NAPA: variants seen among roughly 807,000 people sequenced by gnomAD.
NAPA encodes the protein alpha-soluble NSF attachment protein.
A neutral mutation model predicts 48.0 loss-of-function variants in NAPA; 18 were observed. The ratio of observed to expected loss-of-function variants is 0.38; its 90% CI spans 0.26 to 0.56. NAPA has a LOEUF of 0.56. NAPA is among the 20% of genes least tolerant of loss of function. The probability of loss-of-function intolerance (pLI) is 0.77; values close to 1 mark genes in which losing one functional copy is unlikely to be tolerated. For missense variants in NAPA, 315 were observed against 385.0 expected (o/e 0.82, Z 1.52); for synonymous variants, 152 against 149.9 (o/e 1.01, Z -0.10).
At chr19:47,504,166 G>A (rs2122766588) in intron 1 of NAPA, among the ~76,000 whole-genome samples, 1 of 152,202 alleles carries the variant, frequency 6.6e-6, no homozygotes, top group Non-Finnish European at 1.5e-5. Context: ...GGCCAAGGTT[G>A]GCGGATTGCT....
At chr19:47,495,271 G>C in intron 4 of NAPA, 1 of 499,268 alleles carries the variant, frequency 2.0e-6, no homozygotes, top group South Asian at 2.8e-5. Context: ...CAGGATTACA[G>C]GCATGAGCCA....
At chr19:47,488,617 T>TAA (rs11368749) in intron 10 of NAPA, 424 of 259,114 alleles carry the variant, frequency 1.6e-3, no homozygotes, top group East Asian at 4.3e-3. Flanking sequence ...ATTGTAGCTT[T>TAA]AAAAAAAAAA....
Position 47,502,173 on chromosome 19 carries a change from G to A in NAPA, c.178+1250C>T, listed in dbSNP as rs569287080. 2.3e-3 allele frequency among the ~76,000 whole-genome samples: 339 copies of A among 149,880 alleles called. 2 individuals are homozygous for A. The highest frequency in any genetic ancestry group is 6.9e-3 in the Middle Eastern group (2 of 290). On this transcript the variant is annotated intron_variant, in intron 2 of 10. Transcript: ENST00000263354. ...GGAGAATCACTTGAACCAGGGAGGC[G>A]GAGGTTGCAGTGAGCCAAGATCGCG...
At chr19:47,505,925 ACT>A (rs1968683968) in intron 1 of NAPA, among the ~76,000 whole-genome samples, 2 of 147,392 alleles carry the variant, frequency 1.4e-5, no homozygotes, top group Admixed American at 6.8e-5. Flanking sequence ...GCCCTGCTGC[ACT>A]CTGTCTTCCC....
At position 47,493,045 on chromosome 19, in the gene NAPA, G is replaced by A. The variant is rs753527653; in HGVS notation, c.477C>T (p.Ser159=). ...ADYYKGEESN[S]SANKCLLKVA... ...CCTTCAGCAGACACTTGTTGGCTGA[G>A]CTGTGTGGGGAGGAGTAGTGAGGGG... Residue 159 remains serine (S), a splice_region_variant and synonymous_variant, in exon 7 of 11, where the codon AGC becomes AGT. Coordinates refer to ENST00000263354, the MANE Select transcript of NAPA (RefSeq NM_003827.4). The surrounding 1 kb of genome is among the most constrained non-coding windows in gnomAD (Gnocchi z 6.4). 3 of 1,614,170 alleles carry A rather than the reference G, an allele frequency of 1.9e-6. No individual in the cohort carries two copies. Among genetic ancestry groups the A allele is most frequent in the Non-Finnish European group, 2.5e-6 (3 of 1,180,010 alleles).
At chr19:47,510,851 A>G (rs1461655289) in intron 1 of NAPA, among the ~76,000 whole-genome samples, 1 of 152,210 alleles carries the variant, frequency 6.6e-6, no homozygotes, top group Non-Finnish European at 1.5e-5. Context: ...CTTCCAGAGC[A>G]GAAGTTTGAG....
rs574668607 is a variant in NAPA at position 47,498,139 on chromosome 19, G to A, written c.295+2494C>T. 2.0e-5 allele frequency among the ~76,000 whole-genome samples: 3 copies of A among 152,336 alleles called. No individual in the cohort carries two copies. In the East Asian group the frequency reaches 5.8e-4, roughly 29 times the overall value. On this transcript the variant is annotated intron_variant, in intron 3 of 10. Coordinates refer to ENST00000263354, the MANE Select transcript of NAPA (RefSeq NM_003827.4). ...TCAGGCACACTCCAGCTGCCACTTG[G>A]GGGCAGGTCCTTCTGGAGGGAGTCC... is the stretch of plus-strand genomic sequence containing the variant.
intron 7 of NAPA, 178 bp downstream of exon 7, chr19:47,492,783 G>C (rs1211820769): frequency 1.4e-6 from 1 of 712,026 alleles, no homozygotes; most frequent in Admixed American, 2.0e-5. Flanking sequence ...GTCGTAGGTG[G>C]AGAACATTCA....
downstream of NAPA, among the ~76,000 whole-genome samples, chr19:47,487,486 C>G (rs1162967837): frequency 6.6e-6 from 1 of 152,154 alleles, no homozygotes; most frequent in Non-Finnish European, 1.5e-5. Flanking sequence ...TCTCCCCCAC[C>G]TAGAAACTGA....
chr19:47,509,174 G>A lies in NAPA; in HGVS notation c.98+5669C>T, dbSNP rs1052223092. ...TGACACATAGTCAATACTTGGCACA[G>A]AGCGCAGAATGGAAAAGGTGCTCAA... On this transcript the variant is annotated intron_variant, in intron 1 of 10. Coordinates refer to ENST00000263354, the MANE Select transcript of NAPA (RefSeq NM_003827.4). Among the ~76,000 whole-genome samples the A allele has an allele frequency of 3.3e-5, 5 of 152,168 alleles. No individual in the cohort carries two copies. The East Asian group carries it at 9.6e-4, about 29-fold the overall frequency.
In NAPA at chr19:47,488,280, G is replaced by A. The variant is rs1376590384; in HGVS notation, c.*8C>T. The A allele has an allele frequency of 6.2e-7, 1 of 1,606,950 alleles. No homozygotes were observed. The highest frequency in any genetic ancestry group is 8.5e-7 in the Non-Finnish European group (1 of 1,174,682). ...CAGGAAGACGGGCACTGGGGGGCTG[G>A]GTGGGGCTTAGCGCAGGTCCTCCTC... is the stretch of plus-strand genomic sequence containing the variant. On this transcript the variant is annotated 3_prime_UTR_variant, in exon 11 of 11. Coordinates refer to ENST00000263354, the MANE Select transcript of NAPA (RefSeq NM_003827.4).
chr19:47,494,710 C>A (rs1345658233), intron 4 of NAPA, among the ~76,000 whole-genome samples: 2 of 142,926 alleles, frequency 1.4e-5, no homozygotes, highest in Admixed American at 7.3e-5. Context: ...TGAACTCCAG[C>A]CTAGATGAGA....
chr19:47,511,076 C>T (rs1020330218), intron 1 of NAPA, among the ~76,000 whole-genome samples: 4 of 152,258 alleles, frequency 2.6e-5, no homozygotes, highest in Non-Finnish European at 5.9e-5. Context: ...CTCTGACTTG[C>T]CCTTTGACAG....
At chr19:47,498,144 A>G (rs1382984063) in intron 3 of NAPA, among the ~76,000 whole-genome samples, 1 of 152,242 alleles carries the variant, frequency 6.6e-6, no homozygotes, top group Non-Finnish European at 1.5e-5. Flanking sequence ...ACTTGGGGGC[A>G]GGTCCTTCTG....
chr19:47,507,809 T>G (rs1167847433), intron 1 of NAPA, among the ~76,000 whole-genome samples: 1 of 152,190 alleles, frequency 6.6e-6, no homozygotes, highest in Non-Finnish European at 1.5e-5. Flanking sequence ...GTGCTGCCCT[T>G]GCTTTACAGG....
At chr19:47,510,345 G>A (rs1283636303) in intron 1 of NAPA, among the ~76,000 whole-genome samples, 1 of 152,196 alleles carries the variant, frequency 6.6e-6, no homozygotes, top group Non-Finnish European at 1.5e-5. Context: ...CTGATCTTAG[G>A]AATGCACTGT....
At chr19:47,511,409 C>CA (rs978697514) in intron 1 of NAPA, among the ~76,000 whole-genome samples, 2 of 152,220 alleles carry the variant, frequency 1.3e-5, no homozygotes, top group African/African-American at 4.8e-5. Context: ...CTCATACTCC[C>CA]ACAGCACCAG....
intron 2 of NAPA, among the ~76,000 whole-genome samples, chr19:47,503,196 A>T (rs1968618270): frequency 6.6e-6 from 1 of 152,206 alleles, no homozygotes; most frequent in African/African-American, 2.4e-5. Context: ...AGGTCTAATA[A>T]TCTATTTATT....
chr19:47,513,691 A>AG (rs1351943561), intron 1 of NAPA, among the ~76,000 whole-genome samples: 1 of 151,866 alleles, frequency 6.6e-6, no homozygotes, highest in Non-Finnish European at 1.5e-5. Flanking sequence ...AGGATCACAC[A>AG]GCAGGAATTT....
Sources: gnomAD v4.1 joint callset for allele counts (sites outside exome capture counted in the v4.1 genomes callset) on GRCh38, gnomAD v4.1.1 for gene constraint, Gnocchi (gnomAD v3.1) non-coding constraint, MANE v1.5 for transcripts, NCBI Gene and HGNC (gene_info 2026-07-23, HGNC 2026-07-21) for gene names.